Variants in FREM1 observed in about 807,000 individuals in gnomAD.
The protein encoded by FREM1 is FRAS1 related extracellular matrix 1.
Under a neutral mutation model 210.1 loss-of-function variants are expected in FREM1, and 220 were observed. The observed-to-expected ratio is 1.05, with a 90% CI of 0.94 to 1.17. The LOEUF is 1.17. Among genes scored for constraint, FREM1 ranks in the 50% most tolerant of loss-of-function variants. The probability of loss-of-function intolerance (pLI) is 0.00; values close to 1 mark genes in which losing one functional copy is unlikely to be tolerated. For missense variants in FREM1, 3,454 were observed against 2,675.5 expected, an observed-to-expected ratio of 1.29 and a Z score of -6.42; for synonymous variants, 1,189 against 980.2, an observed-to-expected ratio of 1.21 and a Z score of -3.98.
chr9:14,884,120 T>G (rs548502591), intron 1 of FREM1, among the ~76,000 whole-genome samples: 1 of 152,162 alleles, frequency 6.6e-6, no homozygotes, highest in East Asian at 1.9e-4. Context: ...TCCCAGCTAC[T>G]TGGGAGGCTG....
intron 24 of FREM1, among the ~76,000 whole-genome samples, chr9:14,781,890 A>T (rs138431711): frequency 2.0e-5 from 3 of 152,300 alleles, no homozygotes; most frequent in African/African-American, 7.2e-5. Context: ...TTTTTAGTAG[A>T]GACGGGGTTT....
intron 21 of FREM1, among the ~76,000 whole-genome samples, chr9:14,795,095 C>T (rs1212210858): frequency 6.6e-6 from 1 of 151,884 alleles, no homozygotes; most frequent in African/African-American, 2.4e-5. Context: ...CAAAAAGTTC[C>T]TCAGTGAAAT....
intron 36 of FREM1, among the ~76,000 whole-genome samples, chr9:14,738,604 G>C (rs1029814991): frequency 6.9e-6 from 1 of 144,824 alleles, no homozygotes; most frequent in African/African-American, 2.6e-5. Flanking sequence ...AATAGTGAAA[G>C]CCAAGAGAGG....
chr9:14,881,818 T>C (rs535310320), intron 1 of FREM1, among the ~76,000 whole-genome samples: 87 of 152,318 alleles, frequency 5.7e-4, no homozygotes, highest in African/African-American at 1.9e-3. Context: ...GCCAATGGAA[T>C]TGAAGAAGAG....
intron 2 of FREM1, among the ~76,000 whole-genome samples, chr9:14,867,493 T>C (rs1831748562): frequency 6.6e-6 from 1 of 152,178 alleles, no homozygotes; most frequent in African/African-American, 2.4e-5. Flanking sequence ...GCAGAGACAT[T>C]TGGTTACTAC....
In FREM1 at chr9:14,857,663, A is replaced by T. The variant is rs1212689636; in HGVS notation, c.718T>A (p.Phe240Ile). Residue 240 changes from phenylalanine to isoleucine, a missense_variant, in exon 5 of 37, where the codon TTC becomes ATC. Phe to Ile is a conservative substitution (Grantham distance 21). Transcript: ENST00000380880. ...TGATAACGAAGGCCCATCAGCAGGA[A>T]CTCCTCACAGCTCACTTTGAGGCTT... is the stretch of plus-strand genomic sequence containing the variant. ...IGSLKVSCEE[F>I]LLMGLRYQHL... 9 of 1,613,726 alleles carry T rather than the reference A, an allele frequency of 5.6e-6. No individual in the cohort carries two copies. Among genetic ancestry groups the T allele is most frequent in the Middle Eastern group, 3.3e-4 (2 of 6,060 alleles).
At chr9:14,855,143 G>C (rs968073693) in intron 5 of FREM1, among the ~76,000 whole-genome samples, 1 of 151,996 alleles carries the variant, frequency 6.6e-6, no homozygotes, top group Non-Finnish European at 1.5e-5. Context: ...GGAAGAACCT[G>C]TCTGTAAGAA....
intron 21 of FREM1, among the ~76,000 whole-genome samples, chr9:14,794,938 C>T (rs2133133733): frequency 6.8e-6 from 1 of 146,294 alleles, no homozygotes; most frequent in South Asian, 2.1e-4. Flanking sequence ...ACAGAGCTTG[C>T]AGTGAACCAA....
chr9:14,851,660 A>G (rs1827780985), intron 5 of FREM1, 53 bp from the exon 6 acceptor site: 1 of 1,281,908 alleles, frequency 7.8e-7, no homozygotes, highest in Non-Finnish European at 1.1e-6. Context: ...ATGAGGTGAT[A>G]TCATACAGGG....
chr9:14,873,967 G>T (rs533564588), intron 1 of FREM1, among the ~76,000 whole-genome samples: 1 of 152,274 alleles, frequency 6.6e-6, no homozygotes, highest in African/African-American at 2.4e-5. Flanking sequence ...TTTCCATGTA[G>T]TTGAGTGGTT....
At chr9:14,890,309 C>T (rs1314872244) in intron 1 of FREM1, among the ~76,000 whole-genome samples, 1 of 152,232 alleles carries the variant, frequency 6.6e-6, no homozygotes, top group African/African-American at 2.4e-5. Flanking sequence ...ATAGCTCAAA[C>T]TCTACCCTGC....
chr9:14,761,092 G>C (rs1845414122), intron 27 of FREM1, among the ~76,000 whole-genome samples: 1 of 151,974 alleles, frequency 6.6e-6, no homozygotes, highest in African/African-American at 2.4e-5. Context: ...TGTGGAACTA[G>C]AAATTCTGGG....
intron 6 of FREM1, 58 bp downstream of exon 6, chr9:14,851,226 G>A: frequency 7.8e-7 from 1 of 1,279,266 alleles, no homozygotes; most frequent in Non-Finnish European, 1.1e-6. Context: ...AGGGTAGGGG[G>A]TTCTTAAATA....
At chr9:14,902,842 A>G (rs1319834152) in intron 1 of FREM1, among the ~76,000 whole-genome samples, 1 of 152,192 alleles carries the variant, frequency 6.6e-6, no homozygotes, top group Non-Finnish European at 1.5e-5. Flanking sequence ...GTGGCTACAT[A>G]TTTTATTTTA....
intron 36 of FREM1, among the ~76,000 whole-genome samples, chr9:14,739,180 T>A (rs4579619): frequency 1.3e-5 from 2 of 151,528 alleles, no homozygotes; most frequent in Non-Finnish European, 2.9e-5. Flanking sequence ...CACGGCTCAC[T>A]GCAGCCTCAA....
chr9:14,776,367 G>C (rs1563900963), intron 24 of FREM1, 164 bp from the exon 25 acceptor site: 11 of 671,404 alleles, frequency 1.6e-5, no homozygotes, highest in Non-Finnish European at 1.8e-5. Context: ...CATTAAACCA[G>C]TCACTAGAGT....
intron 15 of FREM1, among the ~76,000 whole-genome samples, chr9:14,815,552 C>T (rs1054609010): frequency 1.3e-5 from 2 of 152,206 alleles, no homozygotes; most frequent in Non-Finnish European, 2.9e-5. Context: ...TTGTTACCAA[C>T]TATAAATACC....
intron 10 of FREM1, among the ~76,000 whole-genome samples, chr9:14,827,251 G>A (rs1012125645): frequency 6.6e-6 from 1 of 152,140 alleles, no homozygotes; most frequent in African/African-American, 2.4e-5. Context: ...AACAGTAAAG[G>A]CCCTTCTGAT....
At chr9:14,904,199 G>A (rs1469754971) in intron 1 of FREM1, among the ~76,000 whole-genome samples, 1 of 151,466 alleles carries the variant, frequency 6.6e-6, no homozygotes, top group African/African-American at 2.4e-5. Context: ...TCCTTAAAAG[G>A]GAACAAAAAA....
Sources: allele counts gnomAD v4.1 joint callset (sites outside exome capture counted in the v4.1 genomes callset), GRCh38; gene constraint gnomAD v4.1.1; transcripts MANE v1.5; gene names NCBI Gene and HGNC (gene_info 2026-07-23, HGNC 2026-07-21).